Variants in ZDHHC6 observed in about 807,000 individuals in gnomAD.
The protein encoded by ZDHHC6 is palmitoyltransferase ZDHHC6.
Under a neutral mutation model 57.8 loss-of-function variants are expected in ZDHHC6, and 32 were observed. The ratio of observed to expected loss-of-function variants is 0.55; its 90% CI spans 0.42 to 0.74. The LOEUF is 0.74. Ranked by LOEUF, ZDHHC6 falls within the 30% of genes least tolerant of loss-of-function variation. The probability of loss-of-function intolerance (pLI) is 0.00; values close to 1 mark genes in which losing one functional copy is unlikely to be tolerated. For synonymous variants in ZDHHC6, 128 were observed against 158.0 expected (o/e 0.81, Z 1.42); for missense variants, 433 against 500.7 (o/e 0.86, Z 1.29).
chr10:112,429,972 G>C (rs970908026), downstream of ZDHHC6, among the ~76,000 whole-genome samples: 2 of 151,512 alleles, frequency 1.3e-5, no homozygotes, highest in African/African-American at 4.9e-5. Context: ...TTGTTGGGGG[G>C]GGGGTGTGGG....
At chr10:112,443,770 G>GT (rs1846378449) in intron 2 of ZDHHC6, among the ~76,000 whole-genome samples, 164 bp from the exon 3 acceptor site, 1 of 152,044 alleles carries the variant, frequency 6.6e-6, no homozygotes, top group Non-Finnish European at 1.5e-5. Context: ...AAGTTTTCTG[G>GT]TAAGAGCAGC....
At chr10:112,447,270 C>T (rs760636886), upstream of ZDHHC6, 86 of 1,273,760 alleles carry the variant, frequency 6.8e-5, no homozygotes, top group East Asian at 8.2e-4. Context: ...GTTCTGCTCT[C>T]GGGGGCACCT....
chr10:112,435,076 C>T (rs990356942), intron 6 of ZDHHC6, among the ~76,000 whole-genome samples: 9 of 152,256 alleles, frequency 5.9e-5, no homozygotes, highest in South Asian at 2.1e-4. Flanking sequence ...CACACATGTA[C>T]ACATAACTCA....
Position 112,445,289 on chromosome 10 carries a change from G to A in ZDHHC6, c.148C>T (p.His50Tyr). The A allele has an allele frequency of 6.2e-7, 1 of 1,614,166 alleles. No individual in the cohort carries two copies. Among genetic ancestry groups the A allele is most frequent in the Non-Finnish European group, 8.5e-7 (1 of 1,180,044 alleles). The change falls in exon 2 of 11, where the codon CAT (histidine) becomes TAT (tyrosine). Residue 50 changes from histidine (H) to tyrosine (Y), a missense_variant. By Grantham distance (83) the His-to-Tyr change is moderately conservative (BLOSUM62 2). Transcript: ENST00000369405. ...IDSVLWYWPLHTTGGSVNFIM... is the reference protein window; with the variant it reads ...IDSVLWYWPLYTTGGSVNFIM... ...AAATTCACACTTCCTCCAGTTGTAT[G>A]TAAGGGCCAATACCACAACACAGAG... is the stretch of plus-strand genomic sequence containing the variant.
intron 7 of ZDHHC6, chr10:112,433,628 T>C (rs1845245511): frequency 4.9e-6 from 1 of 204,650 alleles, no homozygotes; most frequent in East Asian, 1.1e-4. Flanking sequence ...TGTAGAGACA[T>C]GGCAGACAAA....
exon 12 of ZDHHC6, chr10:112,425,226 T>C: frequency 1.0e-6 from 1 of 973,706 alleles, no homozygotes; most frequent in Non-Finnish European, 1.5e-6. Context: ...AGCTCAAAAG[T>C]CTCTGGAGAA....
At chr10:112,431,409 G>A (rs1409105574) in intron 10 of ZDHHC6, among the ~76,000 whole-genome samples, 1 of 151,910 alleles carries the variant, frequency 6.6e-6, no homozygotes, top group Non-Finnish European at 1.5e-5. Flanking sequence ...TGCCTCCCGG[G>A]TTCAAGCAAT....
At chr10:112,427,528 C>T (rs1420589496), downstream of ZDHHC6, 1 of 526,104 alleles carries the variant, frequency 1.9e-6, no homozygotes, top group Non-Finnish European at 3.1e-6. Context: ...AAACTTAGTT[C>T]CCAAATAAAT....
chr10:112,426,885 T>C (rs769808605), downstream of ZDHHC6: 38 of 1,546,434 alleles, frequency 2.5e-5, no homozygotes, highest in Non-Finnish European at 2.0e-5. Context: ...GATGTTATAC[T>C]GGCCTCTTGT....
At chr10:112,436,905 T>C (rs943329647) in intron 6 of ZDHHC6, among the ~76,000 whole-genome samples, 2 of 152,180 alleles carry the variant, frequency 1.3e-5, no homozygotes, top group African/African-American at 4.8e-5. Context: ...AGAATGATCA[T>C]CTCAAGGAAA....
rs948854317 is a variant in ZDHHC6 at position 112,442,453 on chromosome 10, A to G, written c.360-102T>C. The G allele has an allele frequency of 1.4e-5, 16 of 1,153,894 alleles. No individual in the cohort carries two copies. The Admixed American group carries it at 4.3e-4, about 31-fold the overall frequency. 71.5% of individuals were successfully genotyped at this position (1,153,894 alleles called of 1,614,324 possible). A position where few individuals can be genotyped will look rare whatever the true frequency, so the allele number is the denominator to read the frequency against. On this transcript the variant is annotated intron_variant, in intron 3 of 10. Coordinates refer to ENST00000369405, the MANE Select transcript of ZDHHC6 (RefSeq NM_022494.3). Reference sequence around the variant, plus strand: ...AAGCAAATAGGAATCCAGCATGTCCATGAGCTACGAGAGAATTATACTTCA... The same window carrying G: ...AAGCAAATAGGAATCCAGCATGTCCGTGAGCTACGAGAGAATTATACTTCA...
chr10:112,433,228 A>G lies in ZDHHC6; in HGVS notation c.945+12T>C. The G allele has an allele frequency of 6.3e-7, 1 of 1,575,934 alleles. No individual in the cohort carries two copies. The highest frequency in any genetic ancestry group is 2.3e-5 in the East Asian group (1 of 43,930). On this transcript the variant is annotated intron_variant, in intron 8 of 10. Coordinates refer to ENST00000369405, the MANE Select transcript of ZDHHC6 (RefSeq NM_022494.3). ...AAGAAAAAAAAATTACCACTGCAAA[A>G]GAAGTACTTACACTTCTGACTCTCT... is the stretch of plus-strand genomic sequence containing the variant.
chr10:112,442,135 C>T, intron 4 of ZDHHC6, 57 bp downstream of exon 4: 1 of 1,485,836 alleles, frequency 6.7e-7, no homozygotes, highest in Non-Finnish European at 9.0e-7. Context: ...ATGTTGATAA[C>T]TACCATTTAA....
At chr10:112,432,616 T>C in intron 8 of ZDHHC6, 95 bp from the exon 9 acceptor site, 2 of 1,467,142 alleles carry the variant, frequency 1.4e-6, no homozygotes, top group South Asian at 2.7e-5. Flanking sequence ...ATCCAAAATA[T>C]CCAGTGACAA....
At chr10:112,427,246 C>T (rs553711038), downstream of ZDHHC6, 1 of 1,613,340 alleles carries the variant, frequency 6.2e-7, no homozygotes, top group Admixed American at 1.7e-5. Flanking sequence ...CATCCAGAGC[C>T]ATTTTCCATT....
chr10:112,442,679 C>T (rs930157404), intron 3 of ZDHHC6, among the ~76,000 whole-genome samples: 2 of 152,056 alleles, frequency 1.3e-5, no homozygotes, highest in Non-Finnish European at 2.9e-5. Context: ...GAGCATGGTT[C>T]CTGGTTTTCT....
chr10:112,432,258 C>G lies in ZDHHC6; in HGVS notation c.1120G>C (p.Asp374His), dbSNP rs756920148. 1 of 1,606,568 alleles carries G rather than the reference C, an allele frequency of 6.2e-7. No homozygotes were observed. Among genetic ancestry groups the G allele is most frequent in the East Asian group, 2.2e-5 (1 of 44,812 alleles). ...TCCATACCTTCTATAAAGGAATCAT[C>G]AAGAATTTTGTCTCCATATAACCAG... The part of the protein sequence containing the change: ...RYWLYGDKIL[D>H]DSFIEGVSRI... Residue 374 changes from aspartate to histidine, a missense_variant, in exon 10 of 11, where the codon GAT becomes CAT. Coordinates refer to ENST00000369405, the MANE Select transcript of ZDHHC6 (RefSeq NM_022494.3).
chr10:112,444,832 A>T (rs1006231827), intron 2 of ZDHHC6, among the ~76,000 whole-genome samples: 2 of 152,228 alleles, frequency 1.3e-5, no homozygotes, highest in Admixed American at 1.3e-4. Flanking sequence ...GTATTACATG[A>T]AAAAAGGTAC....
At chr10:112,425,479 C>T (rs111401860), downstream of ZDHHC6, 99 of 1,604,324 alleles carry the variant, frequency 6.2e-5, no homozygotes, top group Non-Finnish European at 7.7e-5. Flanking sequence ...GGAGAGCTTA[C>T]GGGTAATATA....
Sources: gnomAD v4.1 joint callset for allele counts (sites outside exome capture counted in the v4.1 genomes callset) on GRCh38, gnomAD v4.1.1 for gene constraint, MANE v1.5 for transcripts, NCBI Gene and HGNC (gene_info 2026-07-23, HGNC 2026-07-21) for gene names.